RTL4: variants seen among roughly 807,000 people sequenced by gnomAD.
RTL4 encodes retrotransposon Gag like 4.
RTL4 carries 4 observed loss-of-function variants against 5.3 expected under a neutral mutation model. The ratio of observed to expected loss-of-function variants is 0.75; its 90% confidence interval spans 0.37 to 1.72. The LOEUF is 1.72. Ranked by LOEUF, RTL4 falls within the 40% of genes most tolerant of loss-of-function variation. The pLI is 0.04. For missense variants in RTL4, 260 were observed against 227.1 expected, an observed-to-expected ratio of 1.14 and a Z score of -0.93; for synonymous variants, 98 against 87.3, an observed-to-expected ratio of 1.12 and a Z score of -0.68.
exon 1 of RTL4, chrX:112,455,501 A>G: frequency 8.3e-7 from 1 of 1,211,280 alleles, no homozygotes; most frequent in Non-Finnish European, 1.1e-6. Flanking sequence ...GGGCCTATAC[A>G]GCTGCGAGAA....
chrX:112,380,150 A>ATTTTT, the RTL4 span, among the ~76,000 whole-genome samples: 523 of 100,148 alleles, frequency 5.2e-3, 7 homozygotes, highest in African/African-American at 0.019. Flanking sequence ...ATGAAGATCA[A>ATTTTT]TTTTTTTTTT....
chrX:112,173,368 G>A, the RTL4 span, among the ~76,000 whole-genome samples: 2 of 111,391 alleles, frequency 1.8e-5, no homozygotes, highest in Non-Finnish European at 3.8e-5. Flanking sequence ...GTTGTAAAGA[G>A]CATGATGCTC....
the RTL4 span, among the ~76,000 whole-genome samples, chrX:112,388,410 T>A: frequency 8.9e-6 from 1 of 112,327 alleles, no homozygotes; most frequent in Non-Finnish European, 1.9e-5. Context: ...TATTGTTTTA[T>A]CTTGCCTGAT....
At chrX:112,217,100 T>C in the RTL4 span, among the ~76,000 whole-genome samples, 1 of 111,367 alleles carries the variant, frequency 9.0e-6, no homozygotes, top group East Asian at 2.8e-4. Flanking sequence ...GATTAGAGAA[T>C]GAGAGGGGAG....
At chrX:112,114,420 C>T in the RTL4 span, among the ~76,000 whole-genome samples, 1 of 111,976 alleles carries the variant, frequency 8.9e-6, no homozygotes, top group Non-Finnish European at 1.9e-5. Context: ...GCATTCTTTT[C>T]ATTAAAGGCC....
At chrX:112,422,602 A>G in the RTL4 span, among the ~76,000 whole-genome samples, 1 of 111,214 alleles carries the variant, frequency 9.0e-6, no homozygotes, top group African/African-American at 3.3e-5. Context: ...AAATAAATTT[A>G]CTAGGCATGA....
chrX:112,288,968 A>G, the RTL4 span, among the ~76,000 whole-genome samples: 17 of 111,930 alleles, frequency 1.5e-4, no homozygotes, highest in Non-Finnish European at 2.6e-4. Flanking sequence ...GACAGTCTGT[A>G]TCCCTGGTAC....
the RTL4 span, among the ~76,000 whole-genome samples, chrX:112,135,046 T>C: frequency 5.3e-5 from 6 of 112,333 alleles, no homozygotes. Context: ...CATGCTCTCC[T>C]TTCTCTTAGA....
chrX:112,142,679 A>C, the RTL4 span, among the ~76,000 whole-genome samples: 1 of 111,904 alleles, frequency 8.9e-6, no homozygotes, highest in African/African-American at 3.3e-5. Flanking sequence ...GAGACTACAA[A>C]GGTGCATGGA....
chrX:112,167,514 A>T, the RTL4 span, among the ~76,000 whole-genome samples: 35 of 111,389 alleles, frequency 3.1e-4, no homozygotes, highest in African/African-American at 1.1e-3. Flanking sequence ...TCATATTTAC[A>T]TCACTGAAAC....
At chrX:112,341,971 T>C in the RTL4 span, among the ~76,000 whole-genome samples, 1 of 111,557 alleles carries the variant, frequency 9.0e-6, no homozygotes, top group African/African-American at 3.3e-5. Context: ...ATAATAACTT[T>C]AATGTACTGC....
the RTL4 span, among the ~76,000 whole-genome samples, chrX:112,311,851 C>T: frequency 9.0e-6 from 1 of 110,698 alleles, no homozygotes; most frequent in African/African-American, 3.3e-5. Flanking sequence ...CTCCTCTATT[C>T]CCCCTGTTCA....
At chrX:112,306,373 T>C in the RTL4 span, among the ~76,000 whole-genome samples, 1 of 111,808 alleles carries the variant, frequency 8.9e-6, no homozygotes, top group African/African-American at 3.2e-5. Context: ...TGTACATGCA[T>C]GCAGGGCTCC....
At chrX:112,428,983 G>C in the RTL4 span, among the ~76,000 whole-genome samples, 1 of 111,575 alleles carries the variant, frequency 9.0e-6, no homozygotes, top group Non-Finnish European at 1.9e-5. Flanking sequence ...TTTAAAATGA[G>C]TGCTAGAATG....
chrX:112,272,080 T>C, the RTL4 span, among the ~76,000 whole-genome samples: 1 of 111,959 alleles, frequency 8.9e-6, no homozygotes, highest in Non-Finnish European at 1.9e-5. Context: ...TGTACAATAC[T>C]GTATTATTAA....
chrX:112,350,775 T>A, the RTL4 span, among the ~76,000 whole-genome samples: 28 of 111,493 alleles, frequency 2.5e-4, no homozygotes, highest in Non-Finnish European at 3.8e-5. Flanking sequence ...TTATTAGTCT[T>A]GCTAGTGGTC....
At chrX:112,208,745 G>A in the RTL4 span, among the ~76,000 whole-genome samples, 4 of 112,087 alleles carry the variant, frequency 3.6e-5, no homozygotes, top group East Asian at 1.1e-3. Flanking sequence ...CCTGTTTTCA[G>A]GTCAGGGACT....
the RTL4 span, among the ~76,000 whole-genome samples, chrX:112,371,101 T>G: frequency 9.0e-6 from 1 of 111,211 alleles, no homozygotes; most frequent in African/African-American, 3.3e-5. Context: ...ACACTTGCTT[T>G]CTAAGATAGT....
chrX:112,340,701 T>G, the RTL4 span, among the ~76,000 whole-genome samples: 2 of 109,963 alleles, frequency 1.8e-5, no homozygotes, highest in Admixed American at 9.7e-5. Context: ...TTTCCTCTAT[T>G]AAGGAGGAAA....
Sources: gnomAD v4.1 joint callset for allele counts (sites outside exome capture counted in the v4.1 genomes callset) on GRCh38, gnomAD v4.1.1 for gene constraint, MANE v1.5 for transcripts, NCBI Gene and HGNC (gene_info 2026-07-23, HGNC 2026-07-21) for gene names.